ARHGEF28: variants seen among roughly 807,000 people sequenced by gnomAD.
ARHGEF28 encodes Rho guanine nucleotide exchange factor 28, also known as 190 kDa guanine nucleotide exchange factor.
A neutral mutation model predicts 206.6 loss-of-function variants in ARHGEF28; 152 were observed. The observed-to-expected ratio is 0.74, with a 90% CI of 0.64 to 0.84. The LOEUF (loss-of-function observed/expected upper bound fraction) is 0.84. Ranked by LOEUF, ARHGEF28 falls within the 40% of genes least tolerant of loss-of-function variation. The pLI is 0.00. For missense variants in ARHGEF28, 2,028 were observed against 2,073.2 expected, an observed-to-expected ratio of 0.98 and a Z score of 0.42; for synonymous variants, 763 against 776.4, an observed-to-expected ratio of 0.98 and a Z score of 0.29.
intron 4 of ARHGEF28, among the ~76,000 whole-genome samples, chr5:73,770,395 G>A (rs1753157109): frequency 6.6e-6 from 1 of 152,060 alleles, no homozygotes. Flanking sequence ...TCCTTTTTGT[G>A]TCTTGGTTTT....
chr5:73,687,512 G>C (rs1034436672), intron 2 of ARHGEF28, among the ~76,000 whole-genome samples: 2 of 152,124 alleles, frequency 1.3e-5, no homozygotes, highest in African/African-American at 4.8e-5. Flanking sequence ...GAGGTCATTA[G>C]AGATATGTCA....
chr5:73,761,514 G>A (rs56252007), intron 4 of ARHGEF28, among the ~76,000 whole-genome samples: 35,015 of 151,990 alleles, frequency 0.23, 4,177 homozygotes, highest in Non-Finnish European at 0.26. Context: ...ATAATTGTGC[G>A]TCCTGTTCCA....
intron 1 of ARHGEF28, among the ~76,000 whole-genome samples, chr5:73,644,433 C>A (rs541376370): frequency 2.0e-5 from 3 of 152,194 alleles, no homozygotes; most frequent in Admixed American, 6.5e-5. Flanking sequence ...TCTGCTCCCC[C>A]AGCACCATCC....
At chr5:73,871,933 C>T (rs146699900) in intron 21 of ARHGEF28, among the ~76,000 whole-genome samples, 1 of 152,274 alleles carries the variant, frequency 6.6e-6, no homozygotes, top group African/African-American at 2.4e-5. Context: ...TGTATGGGTA[C>T]ACCATTCCTT....
chr5:73,940,942 C>T lies in ARHGEF28; in HGVS notation c.5047C>T (p.Pro1683Ser), dbSNP rs866298426. 22 of 1,534,280 alleles carry T rather than the reference C, an allele frequency of 1.4e-5. No individual in the cohort carries two copies. The African/African-American group carries it at 2.6e-4, about 18-fold the overall frequency. ...TATAACAGAAGCAAAGCTAAATCTA[C>T]CGACAAGGACAATGACCAGACAAGA... Reference protein sequence around the residue: ...AFITEAKLNLPTRTMTRQDGE... With the variant: ...AFITEAKLNLSTRTMTRQDGE... The change falls in exon 36 of 36, where the codon CCG (proline) becomes TCG (serine). Residue 1683 changes from proline to serine, a missense_variant. This residue lies in a region of ARHGEF28 where 803 missense variants were observed against 768.0 expected (regional missense o/e 1.05). Coordinates refer to ENST00000513042, the MANE Select transcript of ARHGEF28 (RefSeq NM_001177693.2).
At chr5:73,929,133 G>C (rs283627) in intron 35 of ARHGEF28, among the ~76,000 whole-genome samples, 60,445 of 151,914 alleles carry the variant, frequency 0.4, 12,190 homozygotes, top group East Asian at 0.57. Flanking sequence ...TTTACAAATT[G>C]ACTTTGACAT....
At chr5:73,709,489 C>A (rs1561348709) in intron 2 of ARHGEF28, among the ~76,000 whole-genome samples, 1 of 152,140 alleles carries the variant, frequency 6.6e-6, no homozygotes, top group Non-Finnish European at 1.5e-5. Flanking sequence ...GGGATGAATG[C>A]AGAAATGAAG....
intron 9 of ARHGEF28, among the ~76,000 whole-genome samples, chr5:73,801,273 G>C (rs920394652): frequency 3.8e-4 from 58 of 151,576 alleles, no homozygotes; most frequent in African/African-American, 1.2e-3. Context: ...GGTGAAACCC[G>C]GTCTCTACTA....
intron 2 of ARHGEF28, among the ~76,000 whole-genome samples, chr5:73,736,349 A>G (rs913319987): frequency 1.3e-5 from 2 of 152,164 alleles, no homozygotes; most frequent in African/African-American, 4.8e-5. Context: ...GTTAAGAAGG[A>G]AGCATGGGTT....
chr5:73,677,839 G>GGT (rs1746802424), intron 1 of ARHGEF28, among the ~76,000 whole-genome samples: 1 of 152,190 alleles, frequency 6.6e-6, no homozygotes, highest in East Asian at 1.9e-4. Context: ...AACATTTCTG[G>GGT]AAAATGTGGT....
intron 1 of ARHGEF28, among the ~76,000 whole-genome samples, chr5:73,678,859 T>A (rs1243256217): frequency 6.6e-6 from 1 of 152,224 alleles, no homozygotes; most frequent in Admixed American, 6.5e-5. Context: ...TAGTCATTTA[T>A]AAATCATATT....
At chr5:73,755,693 G>A (rs1292647215) in intron 4 of ARHGEF28, among the ~76,000 whole-genome samples, 2 of 152,106 alleles carry the variant, frequency 1.3e-5, no homozygotes, top group African/African-American at 2.4e-5. Flanking sequence ...TCCATGCTGG[G>A]CATGCCTGCT....
chr5:73,765,626 T>C (rs1752851968), intron 4 of ARHGEF28, among the ~76,000 whole-genome samples: 1 of 152,228 alleles, frequency 6.6e-6, no homozygotes, highest in Non-Finnish European at 1.5e-5. Flanking sequence ...TGTATTTTAT[T>C]CTGAACAAAA....
intron 4 of ARHGEF28, among the ~76,000 whole-genome samples, chr5:73,758,504 T>G (rs979306758): frequency 6.6e-6 from 1 of 152,186 alleles, no homozygotes; most frequent in Non-Finnish European, 1.5e-5. Flanking sequence ...ATGGAACAGG[T>G]GCATTCTTTG....
intron 35 of ARHGEF28, among the ~76,000 whole-genome samples, chr5:73,934,524 G>T (rs1764310723): frequency 6.6e-6 from 1 of 152,186 alleles, no homozygotes; most frequent in South Asian, 2.1e-4. Context: ...AGAAGCTTCT[G>T]AATTTGGAAA....
intron 1 of ARHGEF28, among the ~76,000 whole-genome samples, chr5:73,668,760 T>C (rs1746127020): frequency 6.6e-6 from 1 of 150,478 alleles, no homozygotes; most frequent in South Asian, 2.1e-4. Flanking sequence ...GTACTCTTAC[T>C]TGGAAACCCT....
intron 4 of ARHGEF28, among the ~76,000 whole-genome samples, chr5:73,755,040 C>T (rs185136731): frequency 4.5e-4 from 69 of 151,808 alleles, no homozygotes; most frequent in Non-Finnish European, 2.2e-4. Flanking sequence ...TTCTTAAACT[C>T]TTGCTATGTG....
At chr5:73,630,706 C>T (rs1743316374) in intron 1 of ARHGEF28, among the ~76,000 whole-genome samples, 1 of 152,142 alleles carries the variant, frequency 6.6e-6, no homozygotes, top group Non-Finnish European at 1.5e-5. Context: ...TACTGGAACC[C>T]TATCTGGTCC....
chr5:73,885,748 A>G (rs780483511), intron 24 of ARHGEF28, 102 bp from the exon 25 acceptor site: 64 of 1,214,272 alleles, frequency 5.3e-5, no homozygotes, highest in Non-Finnish European at 6.7e-5. Context: ...TGTTTAGATG[A>G]TACATTTAAC....
Sources: gnomAD v4.1 joint callset for allele counts (sites outside exome capture counted in the v4.1 genomes callset) on GRCh38, gnomAD v4.1.1 for gene constraint, gnomAD v4.1.1 regional missense constraint, MANE v1.5 for transcripts, NCBI Gene and HGNC (gene_info 2026-07-23, HGNC 2026-07-21) for gene names.